The following VRTN variants were observed in gnomAD, a reference collection of about 807,000 sequenced individuals.
VRTN encodes the protein vertnin.
A neutral mutation model predicts 18.2 loss-of-function variants in VRTN; 5 were observed. The ratio of observed to expected loss-of-function variants is 0.27; its 90% CI spans 0.14 to 0.58. The LOEUF (loss-of-function observed/expected upper bound fraction) is 0.58. VRTN is among the 20% of genes least tolerant of loss of function. VRTN has a pLI of 0.91. For missense variants in VRTN, 741 were observed against 939.4 expected (o/e 0.79, Z 2.76); for synonymous variants, 381 against 393.7 (o/e 0.97, Z 0.38).
intron 1 of VRTN, among the ~76,000 whole-genome samples, chr14:74,321,034 G>A (rs1455994051): frequency 6.6e-6 from 1 of 152,034 alleles, no homozygotes; most frequent in Non-Finnish European, 1.5e-5. Flanking sequence ...TTTATCAGTG[G>A]CCTTGACAAG....
intron 1 of VRTN, among the ~76,000 whole-genome samples, chr14:74,325,215 C>T (rs971321672): frequency 3.3e-5 from 5 of 152,080 alleles, no homozygotes; most frequent in African/African-American, 1.2e-4. Flanking sequence ...TATACAGGGA[C>T]AGCTCCTGTG....
At chr14:74,330,898 A>T (rs1335596814) in intron 1 of VRTN, among the ~76,000 whole-genome samples, 3 of 151,840 alleles carry the variant, frequency 2.0e-5, no homozygotes, top group Non-Finnish European at 1.5e-5. Context: ...AAACAGGAGC[A>T]TGAATAAAAC....
intron 1 of VRTN, among the ~76,000 whole-genome samples, chr14:74,310,933 C>A (rs1018275029): frequency 6.6e-6 from 1 of 152,122 alleles, no homozygotes; most frequent in Non-Finnish European, 1.5e-5. Flanking sequence ...TCAAGCGTTC[C>A]TCCTGCCTTG....
intron 1 of VRTN, among the ~76,000 whole-genome samples, chr14:74,326,165 TA>T (rs1358959695): frequency 6.6e-6 from 1 of 152,082 alleles, no homozygotes; most frequent in Non-Finnish European, 1.5e-5. Context: ...CCTCAATTGA[TA>T]TGTCCAAGCA....
chr14:74,324,808 G>A (rs1034966516), intron 1 of VRTN, among the ~76,000 whole-genome samples: 3 of 151,836 alleles, frequency 2.0e-5, no homozygotes, highest in African/African-American at 4.8e-5. Flanking sequence ...GATGGCTTGA[G>A]CCCAGGAGGT....
At chr14:74,341,823 G>A (rs971881106) in intron 2 of VRTN, among the ~76,000 whole-genome samples, 8 of 152,120 alleles carry the variant, frequency 5.3e-5, no homozygotes, top group Non-Finnish European at 1.0e-4. Context: ...CTGGCCGCAT[G>A]TCTTTTTGTA....
At chr14:74,330,687 T>C (rs11850187) in intron 1 of VRTN, among the ~76,000 whole-genome samples, 91,939 of 151,306 alleles carry the variant, frequency 0.61, 30,494 homozygotes, top group African/African-American at 0.87. Flanking sequence ...GTGATCCGCC[T>C]GCCTCAGCCT....
In VRTN at chr14:74,357,765, G is replaced by A. The variant is rs961161826; in HGVS notation, c.982G>A (p.Gly328Ser). ...HFLQDSFHRG[G>S]VVPLQQFLQR... Reference sequence around the variant, plus strand: ...CCTGCAGGACAGCTTCCACCGGGGGGGCGTCGTGCCACTTCAGCAGTTCCT... The same window carrying A: ...CCTGCAGGACAGCTTCCACCGGGGGAGCGTCGTGCCACTTCAGCAGTTCCT... The change falls in exon 2 of 2, where the codon GGC becomes AGC. Residue 328 changes from glycine to serine, a missense_variant. By Grantham distance (56) the Gly-to-Ser change is moderately conservative (BLOSUM62 0). Transcript: ENST00000256362. This position sits in a 1 kb window ranked among gnomAD's most constrained non-coding sequence, Gnocchi z 7.8. 5.0e-6 allele frequency: 8 copies of A among 1,613,010 alleles called. No individual in the cohort carries two copies. The highest frequency in any genetic ancestry group is 1.7e-5 in the Admixed American group (1 of 60,012).
chr14:74,350,723 G>A (rs910980642), intron 1 of VRTN, among the ~76,000 whole-genome samples: 2 of 152,172 alleles, frequency 1.3e-5, no homozygotes, highest in Admixed American at 6.5e-5. Context: ...GAACCTCCAG[G>A]TGTGAACTCG....
chr14:74,356,939 C>T lies in VRTN; in HGVS notation c.156C>T (p.Gly52=), dbSNP rs139665879. 8.6e-4 allele frequency: 1,383 copies of T among 1,614,038 alleles called. 2 individuals carry two copies. The highest frequency in any genetic ancestry group is 1.1e-3 in the Non-Finnish European group (1,294 of 1,179,996). ...TLPTCREGGP[G]LQVLEVDSVA... ...CCACCTGCCGGGAGGGAGGCCCTGG[C>T]CTCCAGGTGCTGGAAGTGGACTCGG... Residue 52 remains glycine (G), a synonymous_variant, in exon 2 of 2, where the codon GGC becomes GGT. Transcript: ENST00000256362.
upstream of VRTN, chr14:74,303,006 C>A: frequency 7.6e-7 from 1 of 1,316,074 alleles, no homozygotes; most frequent in South Asian, 1.7e-5. Context: ...ACCACAGAGA[C>A]GGCGTTTGAT....
intron 1 of VRTN, among the ~76,000 whole-genome samples, chr14:74,311,096 G>T (rs1298607519): frequency 6.6e-6 from 1 of 152,120 alleles, no homozygotes; most frequent in African/African-American, 2.4e-5. Flanking sequence ...ACATTACCTG[G>T]CAATAATAAG....
intron 1 of VRTN, among the ~76,000 whole-genome samples, chr14:74,356,146 G>A (rs1212937516): frequency 2.6e-5 from 4 of 151,282 alleles, no homozygotes. Context: ...TCTCTTTATT[G>A]TCTCATTTAT....
chr14:74,310,094 C>T (rs975897725), intron 1 of VRTN, among the ~76,000 whole-genome samples: 2 of 152,034 alleles, frequency 1.3e-5, no homozygotes, highest in Non-Finnish European at 2.9e-5. Flanking sequence ...ATATATTTTG[C>T]AGCTATTAAT....
intron 1 of VRTN, chr14:74,306,174 T>TATATA (rs1567036739): frequency 4.7e-4 from 32 of 68,360 alleles, no homozygotes; most frequent in Non-Finnish European, 9.3e-4. Flanking sequence ...ATATATATAT[T>TATATA]TTTTTTTTTT....
chr14:74,355,644 C>T (rs2085721170), intron 1 of VRTN, among the ~76,000 whole-genome samples: 1 of 152,118 alleles, frequency 6.6e-6, no homozygotes, highest in Non-Finnish European at 1.5e-5. Flanking sequence ...AAGTGATTCT[C>T]GTGCCTCAGC....
At chr14:74,340,468 A>G (rs984802755) in intron 2 of VRTN, among the ~76,000 whole-genome samples, 1 of 142,418 alleles carries the variant, frequency 7.0e-6, no homozygotes, top group African/African-American at 2.7e-5. Context: ...CTGGTCTTGA[A>G]CTCCTGAGAG....
chr14:74,326,297 A>G (rs1371107501), intron 1 of VRTN, among the ~76,000 whole-genome samples: 1 of 152,184 alleles, frequency 6.6e-6, no homozygotes, highest in Non-Finnish European at 1.5e-5. Flanking sequence ...TCAGACAGCA[A>G]TGGAAGTGGT....
intron 1 of VRTN, among the ~76,000 whole-genome samples, chr14:74,318,425 C>G (rs997190991): frequency 6.6e-6 from 1 of 152,154 alleles, no homozygotes; most frequent in African/African-American, 2.4e-5. Context: ...CATGCGCCAC[C>G]ACGCCCGGCT....
Sources: gnomAD v4.1 joint callset for allele counts (sites outside exome capture counted in the v4.1 genomes callset) on GRCh38, gnomAD v4.1.1 for gene constraint, Gnocchi (gnomAD v3.1) non-coding constraint, MANE v1.5 for transcripts, NCBI Gene and HGNC (gene_info 2026-07-23, HGNC 2026-07-21) for gene names.